WDR27: variants seen among roughly 807,000 people sequenced by gnomAD.
The protein encoded by WDR27 is WD repeat-containing protein 27.
A neutral mutation model predicts 114.4 loss-of-function variants in WDR27; 100 were observed. That is an observed-to-expected ratio of 0.87 (90% CI 0.74 to 1.03). The LOEUF is 1.03. Among genes scored for constraint, WDR27 ranks in the 50% least tolerant of loss-of-function variants. The pLI, the probability that WDR27 is intolerant of heterozygous loss-of-function variation, is 0.00. For synonymous variants in WDR27, 449 were observed against 423.1 expected, an observed-to-expected ratio of 1.06 and a Z score of -0.75; for missense variants, 1,129 against 1,092.9, an observed-to-expected ratio of 1.03 and a Z score of -0.47.
intron 8 of WDR27, among the ~76,000 whole-genome samples, chr6:169,662,816 C>T (rs893188646): frequency 7.9e-6 from 1 of 126,518 alleles, no homozygotes; most frequent in Non-Finnish European, 1.6e-5. Flanking sequence ...GATCACGTGT[C>T]GAGGAAAGCA....
chr6:169,586,847 CAAA>C (rs3029697), intron 23 of WDR27, among the ~76,000 whole-genome samples: 3,902 of 31,562 alleles, frequency 0.12, 193 homozygotes, highest in East Asian at 0.46. Flanking sequence ...GACTCTGTCT[CAAA>C]AAAAAAAAAA....
At chr6:169,434,044 T>A in the WDR27 span, among the ~76,000 whole-genome samples, 1 of 152,266 alleles carries the variant, frequency 6.6e-6, no homozygotes, top group African/African-American at 2.4e-5. Flanking sequence ...GGTTGCCTAT[T>A]TACTATGATG....
At chr6:169,514,268 CATAAATTATT>C in intron 25 of WDR27, among the ~76,000 whole-genome samples, 1 of 151,334 alleles carries the variant, frequency 6.6e-6, no homozygotes, top group East Asian at 1.9e-4. Flanking sequence ...AACCAGTATA[CATAAATTATT>C]ATAAATTATT....
intron 7 of WDR27, chr6:169,664,858 G>T (rs1301620152): frequency 1.0e-6 from 1 of 990,174 alleles, no homozygotes; most frequent in East Asian, 1.1e-4. Flanking sequence ...GAAGCACGGG[G>T]GATGCCACAC....
At chr6:169,588,195 G>A (rs971156566) in intron 23 of WDR27, among the ~76,000 whole-genome samples, 1 of 152,214 alleles carries the variant, frequency 6.6e-6, no homozygotes, top group African/African-American at 2.4e-5. Flanking sequence ...GCAAGAGCAG[G>A]GGTGATGAAA....
the WDR27 span, among the ~76,000 whole-genome samples, chr6:169,450,218 G>A: frequency 4.6e-5 from 7 of 152,164 alleles, no homozygotes; most frequent in South Asian, 2.1e-4. Flanking sequence ...AGCTGCCAGC[G>A]GGGAGCTTTG....
chr6:169,596,349 T>C (rs531643558), intron 23 of WDR27, among the ~76,000 whole-genome samples: 48 of 152,166 alleles, frequency 3.2e-4, no homozygotes, highest in Admixed American at 1.8e-3. Context: ...CCTTTTTCCC[T>C]ATTGTGCTCT....
At chr6:169,574,275 T>C (rs1197380282) in intron 24 of WDR27, among the ~76,000 whole-genome samples, 1 of 152,256 alleles carries the variant, frequency 6.6e-6, no homozygotes, top group Non-Finnish European at 1.5e-5. Context: ...AGTACAAGTA[T>C]AATCCTCTTC....
At chr6:169,602,832 T>G (rs1808290589) in intron 22 of WDR27, among the ~76,000 whole-genome samples, 1 of 147,240 alleles carries the variant, frequency 6.8e-6, no homozygotes, top group Non-Finnish European at 1.5e-5. Context: ...AGATAATTCT[T>G]TTTTTTTTTT....
intron 25 of WDR27, among the ~76,000 whole-genome samples, chr6:169,558,146 T>C (rs1799174526): frequency 6.6e-6 from 1 of 151,860 alleles, no homozygotes; most frequent in Non-Finnish European, 1.5e-5. Context: ...CATTTCTATT[T>C]CCCACAAGCA....
the WDR27 span, among the ~76,000 whole-genome samples, chr6:169,429,263 T>C: frequency 1.3e-5 from 2 of 152,086 alleles, no homozygotes; most frequent in Non-Finnish European, 2.9e-5. Flanking sequence ...AGTCTAGGCT[T>C]TACTTGCTGA....
At chr6:169,437,864 T>G in the WDR27 span, among the ~76,000 whole-genome samples, 1 of 152,200 alleles carries the variant, frequency 6.6e-6, no homozygotes, top group East Asian at 1.9e-4. Context: ...AAGTTTTCTC[T>G]GGTAACATGA....
At chr6:169,451,842 A>G in the WDR27 span, among the ~76,000 whole-genome samples, 1 of 152,214 alleles carries the variant, frequency 6.6e-6, no homozygotes. Flanking sequence ...TAAAGTGCCT[A>G]GTCAAATATT....
intron 2 of WDR27, among the ~76,000 whole-genome samples, chr6:169,678,616 T>TA (rs1780689652): frequency 6.6e-6 from 1 of 152,206 alleles, no homozygotes. Context: ...GATTTTTTTT[T>TA]ATCTTGCCCA....
chr6:169,556,431 G>C (rs2128108534), intron 25 of WDR27, among the ~76,000 whole-genome samples: 1 of 152,306 alleles, frequency 6.6e-6, no homozygotes. Flanking sequence ...GAGATAAAGA[G>C]GGTGTGGTTT....
At chr6:169,532,879 C>A (rs1035288082) in intron 25 of WDR27, among the ~76,000 whole-genome samples, 2 of 151,542 alleles carry the variant, frequency 1.3e-5, no homozygotes, top group Middle Eastern at 6.8e-3. Flanking sequence ...GGGGAATTAT[C>A]CCTGGGCCTG....
At chr6:169,685,096 C>T (rs954658545) in intron 2 of WDR27, among the ~76,000 whole-genome samples, 3 of 152,144 alleles carry the variant, frequency 2.0e-5, no homozygotes, top group South Asian at 2.1e-4. Flanking sequence ...ACAGATACTA[C>T]GCTACTACAT....
chr6:169,668,840 C>T (rs1828606979), intron 4 of WDR27: 1 of 152,242 alleles, frequency 6.6e-6, no homozygotes, highest in African/African-American at 2.4e-5. Context: ...TATATGGTGA[C>T]TTAACTTACA....
In WDR27 at chr6:169,472,493, A is replaced by G. The variant is rs79292923; in HGVS notation, c.2646-14859T>C. Among the ~76,000 whole-genome samples, 719 of 152,330 alleles carry G rather than the reference A, an allele frequency of 4.7e-3. 7 individuals carry two copies. The highest frequency in any genetic ancestry group is 0.03 in the East Asian group (154 of 5,184). On this transcript the variant is annotated intron_variant, in intron 25 of 25. Coordinates refer to ENST00000448612, the MANE Select transcript of WDR27 (RefSeq NM_182552.5). The stretch of plus-strand genomic sequence containing the variant: ...ATTCTCTTTACCTCAGTTTAGGACA[A>G]TTATTGGGGTAATAATATTACTTAT...
Sources: gnomAD v4.1 joint callset for allele counts (sites outside exome capture counted in the v4.1 genomes callset) on GRCh38, gnomAD v4.1.1 for gene constraint, MANE v1.5 for transcripts, NCBI Gene and HGNC (gene_info 2026-07-23, HGNC 2026-07-21) for gene names.